The following MREG variants were observed in gnomAD, a reference collection of about 807,000 sequenced individuals.
The protein encoded by MREG is dilute suppressor protein homolog.
In MREG, 31 loss-of-function variants were observed where a neutral mutation model predicts 28.5. That is an observed-to-expected ratio of 1.09 (90% CI 0.82 to 1.47). The LOEUF (loss-of-function observed/expected upper bound fraction) is 1.47, where lower values mean the gene tolerates loss of function less well. Among genes scored for constraint, MREG ranks in the 40% most tolerant of loss-of-function variants. MREG has a pLI of 0.00. For synonymous variants in MREG, 106 were observed against 95.2 expected (o/e 1.11, Z -0.66); for missense variants, 256 against 257.4 (o/e 0.99, Z 0.04).
intron 2 of MREG, among the ~76,000 whole-genome samples, chr2:215,987,159 T>TG (rs1277604327): frequency 6.6e-6 from 1 of 151,956 alleles, no homozygotes. Flanking sequence ...ATATATTAAG[T>TG]GGGAAAAAAG....
chr2:215,942,384 G>C (rs1559170860), downstream of MREG, among the ~76,000 whole-genome samples: 1 of 152,120 alleles, frequency 6.6e-6, no homozygotes, highest in Non-Finnish European at 1.5e-5. Flanking sequence ...ATCTACAGTG[G>C]CCACCTGAGG....
intron 1 of MREG, among the ~76,000 whole-genome samples, chr2:216,029,447 C>T (rs966096904): frequency 7.7e-5 from 11 of 142,908 alleles, no homozygotes; most frequent in African/African-American, 1.3e-4. Context: ...CACTGCACTC[C>T]GCCTGGCGAG....
At chr2:215,982,335 CAA>C (rs35108598) in intron 2 of MREG, among the ~76,000 whole-genome samples, 8 of 135,748 alleles carry the variant, frequency 5.9e-5, no homozygotes, top group Non-Finnish European at 9.3e-5. Flanking sequence ...AAAACTCCGT[CAA>C]AAAAAAAAAA....
At chr2:216,003,755 C>T (rs772084677) in intron 1 of MREG, among the ~76,000 whole-genome samples, 1 of 152,106 alleles carries the variant, frequency 6.6e-6, no homozygotes, top group Non-Finnish European at 1.5e-5. Context: ...TGACGGCATC[C>T]CCCACTCCCT....
rs1692275881 is a variant in MREG, at chr2:215,944,685, C to T, written c.*178G>A. 2 of 549,000 alleles carry T rather than the reference C, an allele frequency of 3.6e-6. No individual in the cohort carries two copies. Among genetic ancestry groups the T allele is most frequent in the Non-Finnish European group, 5.9e-6 (2 of 338,688 alleles). 34.0% of individuals were successfully genotyped at this position (549,000 alleles called of 1,614,324 possible). On this transcript the variant is annotated 3_prime_UTR_variant, in exon 5 of 5. Coordinates refer to ENST00000263268, the MANE Select transcript of MREG (RefSeq NM_018000.3). ...GATCACCAAGGCGTTTCAATGCAGC[C>T]TGCACAATTCATGGGGCAGGGTCCT...
chr2:216,011,437 C>T (rs748752522), intron 1 of MREG, among the ~76,000 whole-genome samples: 53 of 152,306 alleles, frequency 3.5e-4, no homozygotes, highest in East Asian at 5.8e-4. Context: ...ATGTGTCACA[C>T]TCTATACTAA....
intron 2 of MREG, among the ~76,000 whole-genome samples, chr2:215,990,182 A>G (rs887286700): frequency 6.6e-6 from 1 of 152,228 alleles, no homozygotes; most frequent in Non-Finnish European, 1.5e-5. Flanking sequence ...AGACCATCAG[A>G]CTAACAGCGG....
intron 2 of MREG, among the ~76,000 whole-genome samples, chr2:215,961,436 T>C (rs1182926586): frequency 1.3e-5 from 2 of 151,724 alleles, no homozygotes; most frequent in Admixed American, 6.6e-5. Flanking sequence ...GCCTTTTTTG[T>C]TTTTTTTGAG....
upstream of MREG, among the ~76,000 whole-genome samples, chr2:216,014,445 T>C (rs914429636): frequency 3.9e-5 from 6 of 152,014 alleles, no homozygotes; most frequent in African/African-American, 4.8e-5. Flanking sequence ...GGTCAAGAGA[T>C]TGAGACCATC....
At chr2:216,003,613 G>A (rs995784126) in intron 1 of MREG, among the ~76,000 whole-genome samples, 2 of 152,124 alleles carry the variant, frequency 1.3e-5, no homozygotes, top group East Asian at 1.9e-4. Flanking sequence ...CATCTCCGCT[G>A]GGATGTCTCA....
intron 2 of MREG, among the ~76,000 whole-genome samples, chr2:215,966,602 T>C (rs1312043340): frequency 3.3e-5 from 4 of 120,284 alleles, no homozygotes; most frequent in Non-Finnish European, 5.1e-5. Flanking sequence ...ACATTTTCCC[T>C]TTTTTTTTTT....
Position 215,994,747 on chromosome 2 carries a change from C to T in MREG, c.255+1559G>A, listed in dbSNP as rs73072179. ...GTGCTTTCCAAGAGGGCTTTGTCGT[C>T]CATGTTCCTCTGCTGTCTTCTGAAA... is the stretch of plus-strand genomic sequence containing the variant. On this transcript the variant is annotated intron_variant, in intron 2 of 4. Coordinates refer to ENST00000263268, the MANE Select transcript of MREG (RefSeq NM_018000.3). Among the ~76,000 whole-genome samples, 261 of 149,902 alleles carry T rather than the reference C, an allele frequency of 1.7e-3. 2 individuals carry two copies. The highest frequency in any genetic ancestry group is 6.3e-3 in the African/African-American group (248 of 39,486).
upstream of MREG, among the ~76,000 whole-genome samples, chr2:216,015,042 T>C (rs1694412888): frequency 6.6e-6 from 1 of 151,304 alleles, no homozygotes; most frequent in Non-Finnish European, 1.5e-5. Context: ...ATGTTAGGAG[T>C]CCATATGTAC....
chr2:216,019,569 A>G (rs1035612841), intron 1 of MREG, among the ~76,000 whole-genome samples: 1 of 151,544 alleles, frequency 6.6e-6, no homozygotes, highest in African/African-American at 2.4e-5. Flanking sequence ...CAGTGACGCA[A>G]TCTCGGCTCA....
intron 2 of MREG, among the ~76,000 whole-genome samples, chr2:215,950,625 G>A (rs549219396): frequency 9.9e-5 from 15 of 152,278 alleles, no homozygotes; most frequent in Admixed American, 6.5e-4. Context: ...TGACAGAATA[G>A]TCATGAATAA....
chr2:215,952,344 C>T (rs929678940), intron 2 of MREG, among the ~76,000 whole-genome samples: 5 of 152,084 alleles, frequency 3.3e-5, no homozygotes, highest in Admixed American at 6.6e-5. Context: ...CACGTGAACG[C>T]GCACACACAC....
downstream of MREG, among the ~76,000 whole-genome samples, chr2:215,942,295 C>T (rs931795441): frequency 1.3e-5 from 2 of 152,126 alleles, no homozygotes; most frequent in South Asian, 2.1e-4. Context: ...CTAAAGTAGT[C>T]GACAGGGAGA....
Position 215,957,181 on chromosome 2 carries a change from A to G in MREG, c.256-10068T>C, listed in dbSNP as rs144721047. ...CAAGAAAAGACCAACCTGAAGCCAC[A>G]GCAGCTATGCCTGAGGAGGAACTAG... On this transcript the variant is annotated intron_variant, in intron 2 of 4. Coordinates refer to ENST00000263268, the MANE Select transcript of MREG (RefSeq NM_018000.3). Among the ~76,000 whole-genome samples the G allele has an allele frequency of 6.1e-3, 924 of 152,350 alleles. 15 individuals carry two copies. Among genetic ancestry groups the G allele is most frequent in the African/African-American group, 0.021 (886 of 41,572 alleles).
chr2:215,952,769 T>C lies in MREG; in HGVS notation c.256-5656A>G, dbSNP rs527690260. 6.6e-5 allele frequency among the ~76,000 whole-genome samples: 10 copies of C among 152,256 alleles called. No individual in the cohort carries two copies. The East Asian group carries it at 1.9e-3, about 29-fold the overall frequency. On this transcript the variant is annotated intron_variant, in intron 2 of 4. Coordinates refer to ENST00000263268, the MANE Select transcript of MREG (RefSeq NM_018000.3). ...AAACCAGAGGTTTTCATTTTTCATT[T>C]AATCCTCTTCTTCCAGTCTAATTCC...
Sources: gnomAD v4.1 joint callset for allele counts (sites outside exome capture counted in the v4.1 genomes callset) on GRCh38, gnomAD v4.1.1 for gene constraint, MANE v1.5 for transcripts, NCBI Gene and HGNC (gene_info 2026-07-23, HGNC 2026-07-21) for gene names.